Variants in TTC28 observed in about 807,000 individuals in gnomAD.
TTC28 encodes the protein tetratricopeptide repeat protein 28.
Under a neutral mutation model 198.0 loss-of-function variants are expected in TTC28, and 61 were observed. That is an observed-to-expected ratio of 0.31 (90% CI 0.25 to 0.38). The LOEUF (loss-of-function observed/expected upper bound fraction) is 0.38, where lower values mean the gene tolerates loss of function less well. Ranked by LOEUF, TTC28 falls within the 10% of genes least tolerant of loss-of-function variation. The probability of loss-of-function intolerance (pLI) is 1.00; values close to 1 mark genes in which losing one functional copy is unlikely to be tolerated. For synonymous variants in TTC28, 1,171 were observed against 1,297.8 expected (o/e 0.90, Z 2.10); for missense variants, 2,678 against 3,164.0 (o/e 0.85, Z 3.69).
chr22:28,232,623 A>G (rs1203721615), intron 5 of TTC28: 1 of 152,216 alleles, frequency 6.6e-6, no homozygotes, highest in Non-Finnish European at 1.5e-5. Flanking sequence ...ACCACAACTC[A>G]ATGTAATTAA....
chr22:28,234,423 A>G (rs192131453), intron 5 of TTC28, among the ~76,000 whole-genome samples: 3 of 151,960 alleles, frequency 2.0e-5, no homozygotes, highest in African/African-American at 4.8e-5. Context: ...CCCAGGCTAC[A>G]GTACAGTGGC....
At chr22:28,571,936 C>T (rs1052929308) in intron 2 of TTC28, among the ~76,000 whole-genome samples, 4 of 142,310 alleles carry the variant, frequency 2.8e-5, no homozygotes, top group Non-Finnish European at 6.0e-5. Context: ...GCAACAAGAG[C>T]GAGACTCCAT....
intron 2 of TTC28, among the ~76,000 whole-genome samples, chr22:28,589,210 T>C (rs1470862633): frequency 6.6e-6 from 1 of 152,212 alleles, no homozygotes; most frequent in African/African-American, 2.4e-5. Flanking sequence ...TGTACAATCT[T>C]AGTGACTATT....
chr22:28,073,465 G>A (rs568397111), intron 12 of TTC28, among the ~76,000 whole-genome samples: 20 of 152,356 alleles, frequency 1.3e-4, no homozygotes, highest in Admixed American at 7.2e-4. Flanking sequence ...AGTGCTTGCA[G>A]ATGCTCACCC....
At chr22:28,055,350 A>G (rs554956018) in intron 12 of TTC28, among the ~76,000 whole-genome samples, 7 of 152,310 alleles carry the variant, frequency 4.6e-5, no homozygotes, top group African/African-American at 1.7e-4. Context: ...GTATACACAA[A>G]TCAATACTTC....
chr22:28,249,073 C>T (rs1481308867), intron 5 of TTC28, among the ~76,000 whole-genome samples: 3 of 151,846 alleles, frequency 2.0e-5, no homozygotes, highest in African/African-American at 7.3e-5. Context: ...TAATGTATCC[C>T]CTGAAGAGAA....
At position 27,999,152 on chromosome 22, in the gene TTC28, G is replaced by GC; in HGVS notation, c.4506dup (p.Pro1503AlafsTer39). The GC allele has an allele frequency of 6.4e-7, 1 of 1,550,584 alleles. No individual in the cohort carries two copies. The highest frequency in any genetic ancestry group is 8.7e-7 in the Non-Finnish European group (1 of 1,146,998). Reference sequence around the variant, plus strand: ...GCCTCTTCCTCGGCCGATGGCATGGGCCCCCACAGCCACCTGTCCATCACG... The same window carrying GC: ...GCCTCTTCCTCGGCCGATGGCATGGGCCCCCCACAGCCACCTGTCCATCACG... On this transcript the variant is annotated frameshift_variant, in exon 16 of 23. Coordinates refer to ENST00000397906, the MANE Select transcript of TTC28 (RefSeq NM_001145418.2). LOFTEE classifies it high-confidence loss of function.
chr22:28,621,742 T>TA (rs771463983), intron 2 of TTC28, among the ~76,000 whole-genome samples: 7,077 of 75,814 alleles, frequency 0.093, 317 homozygotes, highest in African/African-American at 0.14. Context: ...GACTGTCTCT[T>TA]AAAAAAAAAA....
At chr22:28,244,801 C>T (rs771151190) in intron 5 of TTC28, among the ~76,000 whole-genome samples, 2 of 152,012 alleles carry the variant, frequency 1.3e-5, no homozygotes, top group Non-Finnish European at 2.9e-5. Context: ...TTTCATGTAC[C>T]GTGCAAGCAA....
intron 6 of TTC28, among the ~76,000 whole-genome samples, chr22:28,149,002 A>C (rs1033382604): frequency 3.3e-5 from 5 of 152,256 alleles, no homozygotes; most frequent in Non-Finnish European, 7.3e-5. Context: ...GAGTCACTTA[A>C]CAATGAGGAA....
At chr22:28,538,634 A>C (rs1415050958) in intron 2 of TTC28, among the ~76,000 whole-genome samples, 3 of 141,252 alleles carry the variant, frequency 2.1e-5, no homozygotes, top group Non-Finnish European at 4.5e-5. Context: ...ATCTCAGCTC[A>C]CTGCAACCTC....
chr22:28,471,112 T>C (rs1443107216), intron 2 of TTC28, among the ~76,000 whole-genome samples: 1 of 152,218 alleles, frequency 6.6e-6, no homozygotes, highest in Non-Finnish European at 1.5e-5. Context: ...AATACTTTCA[T>C]CTTTCAACGC....
At chr22:28,143,580 G>A (rs1450525684) in intron 6 of TTC28, among the ~76,000 whole-genome samples, 1 of 152,180 alleles carries the variant, frequency 6.6e-6, no homozygotes, top group Admixed American at 6.5e-5. Context: ...CATTTAGTAT[G>A]ACTCCCTTTT....
chr22:28,089,733 A>G (rs1042300195), intron 12 of TTC28, among the ~76,000 whole-genome samples: 1 of 144,954 alleles, frequency 6.9e-6, no homozygotes, highest in Non-Finnish European at 1.5e-5. Context: ...TCAAATGTTT[A>G]AAAAAAAAAA....
intron 12 of TTC28, among the ~76,000 whole-genome samples, chr22:28,058,705 A>C (rs558084436): frequency 1.3e-4 from 20 of 152,134 alleles, no homozygotes; most frequent in African/African-American, 4.6e-4. Context: ...TTTTTCTTAA[A>C]TATTTGATAG....
chr22:28,232,120 C>G (rs1248881212), intron 5 of TTC28, among the ~76,000 whole-genome samples: 3 of 152,166 alleles, frequency 2.0e-5, no homozygotes, highest in Non-Finnish European at 4.4e-5. Context: ...TCATCCCACC[C>G]CTGCTGAGAG....
At chr22:28,595,125 AACTT>A (rs1324518411) in intron 2 of TTC28, among the ~76,000 whole-genome samples, 2 of 152,196 alleles carry the variant, frequency 1.3e-5, no homozygotes, top group Non-Finnish European at 2.9e-5. Context: ...TACACAATAA[AACTT>A]AATTATAGAA....
At chr22:28,474,795 T>C (rs991771689) in intron 2 of TTC28, among the ~76,000 whole-genome samples, 14 of 152,120 alleles carry the variant, frequency 9.2e-5, no homozygotes, top group African/African-American at 3.4e-4. Flanking sequence ...TTATTGTACC[T>C]CACTCTTGAA....
At chr22:28,034,677 C>T (rs191378409) in intron 12 of TTC28, among the ~76,000 whole-genome samples, 1 of 152,278 alleles carries the variant, frequency 6.6e-6, no homozygotes, top group Non-Finnish European at 1.5e-5. Flanking sequence ...TCATGAAGAA[C>T]AGTGAGGGCA....
Sources: allele counts gnomAD v4.1 joint callset (sites outside exome capture counted in the v4.1 genomes callset), GRCh38; gene constraint gnomAD v4.1.1; transcripts MANE v1.5; gene names NCBI Gene and HGNC (gene_info 2026-07-23, HGNC 2026-07-21).